The following VPS36 variants were observed in gnomAD, a reference collection of about 807,000 sequenced individuals.
The protein encoded by VPS36 is vacuolar protein sorting 36 homolog.
A neutral mutation model predicts 63.5 loss-of-function variants in VPS36; 31 were observed. That is an observed-to-expected ratio of 0.49 (90% confidence interval 0.37 to 0.66). The LOEUF (loss-of-function observed/expected upper bound fraction) is 0.66. Ranked by LOEUF, VPS36 falls within the 30% of genes least tolerant of loss-of-function variation. VPS36 has a pLI of 0.00. For missense variants in VPS36, 338 were observed against 463.7 expected (o/e 0.73, Z 2.49); for synonymous variants, 138 against 157.2 (o/e 0.88, Z 0.91).
intron 8 of VPS36, 46 bp downstream of exon 8, chr13:52,426,942 AT>A (rs142356455): frequency 7.5e-7 from 1 of 1,329,964 alleles, no homozygotes; most frequent in East Asian, 2.3e-5. Context: ...ACCTTACTGC[AT>A]TGTGTTATCT....
In VPS36 at chr13:52,413,097, C is replaced by T. The variant is rs1378713403; in HGVS notation, c.*2733G>A. On this transcript the variant is annotated 3_prime_UTR_variant, in exon 14 of 14. Transcript: ENST00000378060. ...TGTCCTTAGGCACGGTCTTTAAAAC[C>T]TAACCACCTTACAAGTTGTGACTCC... 1 of 152,628 alleles carries T rather than the reference C, an allele frequency of 6.6e-6. No homozygotes were observed. Among genetic ancestry groups the T allele is most frequent in the Non-Finnish European group, 1.5e-5 (1 of 68,038 alleles). The allele number at this position is 152,628 out of a possible 1,614,324, so 9.5% of individuals were successfully genotyped here.
At chr13:52,439,663 G>C (rs1049955851) in intron 2 of VPS36, among the ~76,000 whole-genome samples, 2 of 152,072 alleles carry the variant, frequency 1.3e-5, no homozygotes, top group African/African-American at 4.8e-5. Context: ...AGCCAGGATG[G>C]TCTCGATCTC....
At position 52,436,516 on chromosome 13, in the gene VPS36, C is replaced by T. The variant is rs1031225381; in HGVS notation, c.237-112G>A. ...ATCACTTTTAAAATTCATGTAGAAA[C>T]AAACATCCCAAAAAGCATCCTTTTA... On this transcript the variant is annotated intron_variant, in intron 3 of 13. Coordinates refer to ENST00000378060, the MANE Select transcript of VPS36 (RefSeq NM_016075.4). 8 of 742,714 alleles carry T rather than the reference C, an allele frequency of 1.1e-5. No homozygotes were observed. The African/African-American group carries it at 1.4e-4, about 13-fold the overall frequency. The allele number at this position is 742,714 out of a possible 1,614,324, so 46.0% of individuals were successfully genotyped here. A position where few individuals can be genotyped will look rare whatever the true frequency, so the allele number is the denominator to read the frequency against.
At chr13:52,425,885 G>A (rs748038585) in intron 9 of VPS36, 47 bp downstream of exon 9, 1 of 1,562,344 alleles carries the variant, frequency 6.4e-7, no homozygotes, top group Admixed American at 1.9e-5. Context: ...ATGACATAGG[G>A]CTAATTTAAC....
intron 11 of VPS36, 48 bp downstream of exon 11, chr13:52,417,944 G>A (rs1338606974): frequency 1.9e-6 from 3 of 1,555,722 alleles, no homozygotes; most frequent in Non-Finnish European, 1.8e-6. Context: ...TCTACCCCAT[G>A]CAGAATCATG....
chr13:52,442,837 G>A (rs1009049625), intron 1 of VPS36, among the ~76,000 whole-genome samples: 1 of 152,182 alleles, frequency 6.6e-6, no homozygotes, highest in Non-Finnish European at 1.5e-5. Flanking sequence ...AGACACACAA[G>A]TAGTGAAAGG....
In VPS36 at chr13:52,450,552, C is replaced by G; in HGVS notation, c.43G>C (p.Glu15Gln). Reference sequence around the variant, plus strand: ...CCGCGCTGCTGGATCACCAGGGTCTCGTTGATCTCCAGGAGGCCGCTGGTC... The same window carrying G: ...CCGCGCTGCTGGATCACCAGGGTCTGGTTGATCTCCAGGAGGCCGCTGGTC... ...VWTSGLLEINETLVIQQRGVR... is the reference protein window; with the variant it reads ...VWTSGLLEINQTLVIQQRGVR... Residue 15 changes from glutamate to glutamine, a missense_variant, in exon 1 of 14, where the codon GAG becomes CAG. By Grantham distance (29) the Glu-to-Gln change is conservative (BLOSUM62 2). Coordinates refer to ENST00000378060, the MANE Select transcript of VPS36 (RefSeq NM_016075.4). The G allele has an allele frequency of 2.5e-6, 4 of 1,594,990 alleles. No individual in the cohort carries two copies. Among genetic ancestry groups the G allele is most frequent in the Non-Finnish European group, 3.4e-6 (4 of 1,171,034 alleles).
chr13:52,428,551 G>C (rs1356065041), intron 6 of VPS36, among the ~76,000 whole-genome samples: 1 of 152,174 alleles, frequency 6.6e-6, no homozygotes, highest in Non-Finnish European at 1.5e-5. Context: ...TTAAACACTG[G>C]ATTCTTATCA....
At position 52,413,123 on chromosome 13, in the gene VPS36, A is replaced by G. The variant is rs1349840409; in HGVS notation, c.*2707T>C. ...TAACCACCTTACAAGTTGTGACTCC[A>G]CTGTACCAAAATGAAGACTCTGAGA... On this transcript the variant is annotated 3_prime_UTR_variant, in exon 14 of 14. Transcript: ENST00000378060. The G allele has an allele frequency of 2.0e-5, 3 of 152,628 alleles. No homozygotes were observed. Among genetic ancestry groups the G allele is most frequent in the African/African-American group, 7.2e-5 (3 of 41,460 alleles). The allele number at this position is 152,628 out of a possible 1,614,324, so 9.5% of individuals were successfully genotyped here.
intron 1 of VPS36, among the ~76,000 whole-genome samples, chr13:52,444,688 GAA>G (rs1419641663): frequency 2.6e-5 from 4 of 151,362 alleles, no homozygotes; most frequent in Non-Finnish European, 5.9e-5. Flanking sequence ...TATTAATACA[GAA>G]AAAAGCAGGT....
chr13:52,442,356 A>C (rs369961683), intron 2 of VPS36, 21 bp downstream of exon 2: 40 of 1,598,504 alleles, frequency 2.5e-5, no homozygotes, highest in Admixed American at 5.3e-5. Flanking sequence ...CCTACAACAG[A>C]TGCAAAAAAC....
chr13:52,421,506 T>C (rs1465843043), intron 10 of VPS36, among the ~76,000 whole-genome samples: 2 of 151,018 alleles, frequency 1.3e-5, no homozygotes, highest in Non-Finnish European at 2.9e-5. Context: ...TTTTTTTTTT[T>C]CTGTTTCTGA....
intron 12 of VPS36, among the ~76,000 whole-genome samples, chr13:52,416,693 G>GT (rs1480976828): frequency 6.6e-6 from 1 of 152,106 alleles, no homozygotes. Context: ...AACTTGTGGC[G>GT]TTTTATCAAG....
intron 8 of VPS36, among the ~76,000 whole-genome samples, chr13:52,426,622 G>A (rs1252624430): frequency 1.3e-5 from 2 of 152,042 alleles, no homozygotes; most frequent in African/African-American, 2.4e-5. Flanking sequence ...CCTGTAATCC[G>A]AGGCAGGCGG....
At chr13:52,450,148 G>A (rs1405869114) in intron 1 of VPS36, 3 of 1,002,818 alleles carry the variant, frequency 3.0e-6, no homozygotes, top group Non-Finnish European at 3.6e-6. Context: ...TCGACTGCCG[G>A]ATCGCCGCCC....
Position 52,437,255 on chromosome 13 carries a change from G to A in VPS36, c.237-851C>T, listed in dbSNP as rs1594121231. 2.0e-5 allele frequency among the ~76,000 whole-genome samples: 3 copies of A among 152,186 alleles called. No homozygotes were observed. The East Asian group carries it at 5.8e-4, about 29-fold the overall frequency. On this transcript the variant is annotated intron_variant, in intron 3 of 13. Coordinates refer to ENST00000378060, the MANE Select transcript of VPS36 (RefSeq NM_016075.4). ...AGATCACTGTAAAATTGAAACACCA[G>A]GCATTGGGCCTCCTCAATGTGAATG...
In VPS36 at chr13:52,450,626, G is replaced by A. The variant is rs926652119; in HGVS notation, c.-32C>T. On this transcript the variant is annotated 5_prime_UTR_variant, in exon 1 of 14. Transcript: ENST00000378060. ...TGCCACCCAGCCCCGGCCCTCCGAG[G>A]CCGCGAGCAGCGCGCCAGGCAGCCT... The A allele has an allele frequency of 1.9e-6, 3 of 1,539,836 alleles. No individual in the cohort carries two copies. The highest frequency in any genetic ancestry group is 1.4e-5 in the African/African-American group (1 of 69,990).
At chr13:52,448,147 A>G (rs1958363526) in intron 1 of VPS36, among the ~76,000 whole-genome samples, 1 of 152,238 alleles carries the variant, frequency 6.6e-6, no homozygotes, top group Non-Finnish European at 1.5e-5. Context: ...AGACTAGTCT[A>G]GAAGACAGCC....
At chr13:52,430,164 G>A (rs932629813) in intron 6 of VPS36, among the ~76,000 whole-genome samples, 1 of 152,036 alleles carries the variant, frequency 6.6e-6, no homozygotes, top group African/African-American at 2.4e-5. Context: ...AGACATTAGT[G>A]AATAAACACA....
Sources: gnomAD v4.1 joint callset for allele counts (sites outside exome capture counted in the v4.1 genomes callset) on GRCh38, gnomAD v4.1.1 for gene constraint, MANE v1.5 for transcripts, NCBI Gene and HGNC (gene_info 2026-07-23, HGNC 2026-07-21) for gene names.